Variants in TUSC3 observed in about 807,000 individuals in gnomAD.
The protein encoded by TUSC3 is tumor suppressor candidate 3.
Under a neutral mutation model 44.8 loss-of-function variants are expected in TUSC3, and 45 were observed. That is an observed-to-expected ratio of 1.00 (90% CI 0.79 to 1.29). TUSC3 has a LOEUF of 1.29. TUSC3 is among the 50% of genes most tolerant of loss of function. TUSC3 has a pLI of 0.00. For synonymous variants in TUSC3, 212 were observed against 152.9 expected (o/e 1.39, Z -2.85); for missense variants, 519 against 437.9 (o/e 1.19, Z -1.65).
At chr8:15,460,152 C>G (rs1471222783) in intron 1 of TUSC3, among the ~76,000 whole-genome samples, 2 of 152,162 alleles carry the variant, frequency 1.3e-5, no homozygotes, top group Non-Finnish European at 2.9e-5. Flanking sequence ...ACATTCCCAA[C>G]AGGAGTGTAG....
At chr8:15,679,321 CATT>C (rs1426624478) in intron 6 of TUSC3, among the ~76,000 whole-genome samples, 1 of 151,932 alleles carries the variant, frequency 6.6e-6, no homozygotes, top group Non-Finnish European at 1.5e-5. Context: ...AATGGTGTCT[CATT>C]GTAGTTTTGA....
chr8:15,818,776 A>G, the TUSC3 span, among the ~76,000 whole-genome samples: 29 of 152,368 alleles, frequency 1.9e-4, no homozygotes, highest in Middle Eastern at 6.8e-3. Context: ...TTCTGTTACA[A>G]ATATGAACTA....
intron 1 of TUSC3, among the ~76,000 whole-genome samples, chr8:15,546,398 G>C (rs1470873999): frequency 1.3e-5 from 2 of 151,748 alleles, no homozygotes; most frequent in Non-Finnish European, 2.9e-5. Flanking sequence ...AGGGATGCTG[G>C]CTTCACATAA....
At chr8:15,547,706 C>T (rs1054614724) in intron 1 of TUSC3, among the ~76,000 whole-genome samples, 5 of 150,952 alleles carry the variant, frequency 3.3e-5, no homozygotes, top group Admixed American at 6.6e-5. Context: ...TCAGGGGTGC[C>T]GCCCTCATGA....
upstream of TUSC3, among the ~76,000 whole-genome samples, chr8:15,538,997 T>G (rs1585081011): frequency 6.6e-6 from 1 of 151,022 alleles, no homozygotes; most frequent in Admixed American, 6.6e-5. Context: ...CTACAAGTAC[T>G]CCCCACCATA....
intron 6 of TUSC3, among the ~76,000 whole-genome samples, chr8:15,700,124 A>C (rs1254400639): frequency 6.6e-6 from 1 of 152,150 alleles, no homozygotes; most frequent in Non-Finnish European, 1.5e-5. Context: ...TAGGGTATGA[A>C]ATTCTGAATC....
chr8:15,714,565 G>T (rs1395092917), intron 6 of TUSC3, among the ~76,000 whole-genome samples: 1 of 152,126 alleles, frequency 6.6e-6, no homozygotes, highest in Non-Finnish European at 1.5e-5. Context: ...TTGTACTAAT[G>T]AAGAATTGTG....
chr8:15,568,818 T>G (rs2129142535), intron 1 of TUSC3, among the ~76,000 whole-genome samples: 1 of 152,240 alleles, frequency 6.6e-6, no homozygotes, highest in Admixed American at 6.5e-5. Context: ...TGTGTAAAAC[T>G]TTGTCATGTA....
chr8:15,734,838 C>G (rs1810865895), intron 7 of TUSC3, among the ~76,000 whole-genome samples: 1 of 152,082 alleles, frequency 6.6e-6, no homozygotes, highest in Non-Finnish European at 1.5e-5. Flanking sequence ...AGCAAATATT[C>G]TTTATTGCAG....
intron 1 of TUSC3, among the ~76,000 whole-genome samples, chr8:15,456,971 T>G (rs1453009377): frequency 6.6e-6 from 1 of 152,128 alleles, no homozygotes; most frequent in Non-Finnish European, 1.5e-5. Flanking sequence ...CAATTCCAAG[T>G]GTACAGAAGA....
intron 6 of TUSC3, among the ~76,000 whole-genome samples, chr8:15,728,859 T>C (rs1456643274): frequency 6.6e-6 from 1 of 151,992 alleles, no homozygotes; most frequent in African/African-American, 2.4e-5. Flanking sequence ...GAGGAGCCAA[T>C]GAGGTAGACT....
At chr8:15,426,945 T>A (rs2129116214) in intron 1 of TUSC3, among the ~76,000 whole-genome samples, 1 of 152,312 alleles carries the variant, frequency 6.6e-6, no homozygotes, top group South Asian at 2.1e-4. Flanking sequence ...GTAGCTTTCA[T>A]TTGCATTTCC....
At chr8:15,649,459 CTGTAG>C (rs1348054279) in intron 2 of TUSC3, among the ~76,000 whole-genome samples, 9 of 152,002 alleles carry the variant, frequency 5.9e-5, no homozygotes, top group Non-Finnish European at 1.2e-4. Context: ...TGGCGGGCGC[CTGTAG>C]TCCCAGCTGC....
At chr8:15,570,102 T>C (rs888951040) in intron 1 of TUSC3, among the ~76,000 whole-genome samples, 1 of 152,154 alleles carries the variant, frequency 6.6e-6, no homozygotes, top group Non-Finnish European at 1.5e-5. Flanking sequence ...ATTACTACTC[T>C]TGGTTATAGC....
chr8:15,534,362 G>A (rs1433872144), intron 2 of TUSC3, among the ~76,000 whole-genome samples: 1 of 151,986 alleles, frequency 6.6e-6, no homozygotes, highest in Admixed American at 6.6e-5. Context: ...ACTTTAGCCG[G>A]GCTGGGCGCG....
chr8:15,478,802 T>C lies in TUSC3; in HGVS notation n.92-4584T>C, dbSNP rs565914619. ...ACTCCTTTGGGTATATACCTAGTAA[T>C]GGGATTCATGGGTAAAATGGTATTT... On this transcript the variant is annotated intron_variant and non_coding_transcript_variant, in intron 1 of 5. Transcript: ENST00000503191. Among the ~76,000 whole-genome samples, 6 of 152,298 alleles carry C rather than the reference T, an allele frequency of 3.9e-5. No individual in the cohort carries two copies. The South Asian group carries it at 1.2e-3, about 32-fold the overall frequency.
At chr8:15,570,845 G>C (rs1055094798) in intron 1 of TUSC3, among the ~76,000 whole-genome samples, 49 of 151,796 alleles carry the variant, frequency 3.2e-4, no homozygotes, top group Admixed American at 2.8e-3. Context: ...GCATACCTCT[G>C]GGGATGTGGA....
At chr8:15,570,458 T>G (rs1252416508) in intron 1 of TUSC3, among the ~76,000 whole-genome samples, 1 of 152,130 alleles carries the variant, frequency 6.6e-6, no homozygotes, top group African/African-American at 2.4e-5. Context: ...CCTATGTCAT[T>G]TTTTTCCCTG....
intron 1 of TUSC3, among the ~76,000 whole-genome samples, chr8:15,591,774 TATA>T (rs1487146547): frequency 6.6e-6 from 1 of 152,114 alleles, no homozygotes; most frequent in African/African-American, 2.4e-5. Context: ...GGAAAGTGGT[TATA>T]ATAAGATTGG....
Sources: allele counts gnomAD v4.1 joint callset (sites outside exome capture counted in the v4.1 genomes callset), GRCh38; gene constraint gnomAD v4.1.1; transcripts MANE v1.5; gene names NCBI Gene and HGNC (gene_info 2026-07-23, HGNC 2026-07-21).